The following GOLT1A variants were observed in gnomAD, a reference collection of about 807,000 sequenced individuals.
The protein encoded by GOLT1A is vesicle transport protein GOT1A.
In GOLT1A, 10 loss-of-function variants were observed where a neutral mutation model predicts 16.1. The observed-to-expected ratio is 0.62, with a 90% CI of 0.38 to 1.05. The LOEUF (loss-of-function observed/expected upper bound fraction) is 1.05, where lower values mean the gene tolerates loss of function less well. Among genes scored for constraint, GOLT1A ranks in the 50% least tolerant of loss-of-function variants. GOLT1A has a pLI of 0.01. For synonymous variants in GOLT1A, 60 were observed against 67.9 expected, an observed-to-expected ratio of 0.88 and a Z score of 0.57; for missense variants, 137 against 165.7, an observed-to-expected ratio of 0.83 and a Z score of 0.95.
chr1:204,203,946 C>T (rs1659002963), intron 1 of GOLT1A, among the ~76,000 whole-genome samples: 1 of 152,150 alleles, frequency 6.6e-6, no homozygotes. Flanking sequence ...AAGGCCCCCT[C>T]GTTTGGTCAA....
chr1:204,211,284 T>C (rs961604479), intron 1 of GOLT1A, among the ~76,000 whole-genome samples: 1 of 151,948 alleles, frequency 6.6e-6, no homozygotes, highest in Non-Finnish European at 1.5e-5. Context: ...AGCCTTCTCA[T>C]CCACACCACA....
chr1:204,208,491 TATATATATATAAAA>T (rs1291041447), intron 1 of GOLT1A, among the ~76,000 whole-genome samples: 1 of 87,978 alleles, frequency 1.1e-5, no homozygotes, highest in African/African-American at 3.7e-5. Flanking sequence ...TATATATATA[TATATATATATAAAA>T]AATGAACTAC....
intron 3 of GOLT1A, 151 bp downstream of exon 3, chr1:204,201,482 C>CTGAAGGGT (rs777160007): frequency 1.5e-4 from 111 of 719,158 alleles, no homozygotes; most frequent in Non-Finnish European, 4.2e-5. Flanking sequence ...CCAAAGTACC[C>CTGAAGGGT]TTCAGCCTAC....
At chr1:204,205,182 T>C (rs1166025691) in intron 1 of GOLT1A, among the ~76,000 whole-genome samples, 2 of 152,140 alleles carry the variant, frequency 1.3e-5, no homozygotes, top group Non-Finnish European at 2.9e-5. Flanking sequence ...GATTGATGTC[T>C]TTTTTTTCTT....
chr1:204,204,233 T>C (rs1222323970), intron 1 of GOLT1A, among the ~76,000 whole-genome samples: 8 of 152,186 alleles, frequency 5.3e-5, no homozygotes. Flanking sequence ...AGTTCAGTGG[T>C]ATTAAGCGCA....
chr1:204,213,427 C>G (rs943864559), intron 1 of GOLT1A, among the ~76,000 whole-genome samples: 5 of 152,214 alleles, frequency 3.3e-5, no homozygotes, highest in African/African-American at 9.7e-5. Flanking sequence ...TACCTCTTCC[C>G]CCAAAAGAAG....
chr1:204,202,823 A>C (rs1658982276), intron 2 of GOLT1A, 73 bp downstream of exon 2: 1 of 1,053,080 alleles, frequency 9.5e-7, no homozygotes, highest in African/African-American at 1.6e-5. Context: ...CTTTATTGCC[A>C]GGACTATCCT....
chr1:204,213,332 A>G lies in GOLT1A; in HGVS notation c.25+550T>C, dbSNP rs372633112. Among the ~76,000 whole-genome samples the G allele has an allele frequency of 9.8e-5, 15 of 152,320 alleles. No homozygotes were observed. The East Asian group carries it at 2.1e-3, about 22-fold the overall frequency. On this transcript the variant is annotated intron_variant, in intron 1 of 4. Transcript: ENST00000308302. ...ATTCTCAGATGAAAAACCAAGGCTCAGAGGCTTTAAGTAACTCACCCAAAT... is the reference window on the plus strand; with the variant it reads ...ATTCTCAGATGAAAAACCAAGGCTCGGAGGCTTTAAGTAACTCACCCAAAT...
chr1:204,201,827 G>C lies in GOLT1A; in HGVS notation c.118-16C>G, dbSNP rs377753319. The C allele has an allele frequency of 6.2e-7, 1 of 1,612,258 alleles. No homozygotes were observed. The highest frequency in any genetic ancestry group is 1.3e-5 in the African/African-American group (1 of 74,886). On this transcript the variant is annotated splice_polypyrimidine_tract_variant and intron_variant, in intron 2 of 4. Coordinates refer to ENST00000308302, the MANE Select transcript of GOLT1A (RefSeq NM_198447.2). Reference sequence around the variant, plus strand: ...GGAACAGCAGCTGTAGGGGAGGGAGGGGAGCATGAAGCAAACCCACCAGCC... The same window carrying C: ...GGAACAGCAGCTGTAGGGGAGGGAGCGGAGCATGAAGCAAACCCACCAGCC...
At chr1:204,203,051 TC>T in intron 1 of GOLT1A, 64 bp from the exon 2 acceptor site, 1 of 1,289,620 alleles carries the variant, frequency 7.8e-7, no homozygotes, top group Non-Finnish European at 1.1e-6. Context: ...CCCTGAAACT[TC>T]CCCCATTGCC....
In GOLT1A at chr1:204,198,360, G is replaced by A. The variant is rs1234551632; in HGVS notation, c.*98C>T. Reference sequence around the variant, plus strand: ...GGACTTGGGGAGGTCCGGATATGTCGGGGAGTGAGTCAGTGCAGGGGACTG... The same window carrying A: ...GGACTTGGGGAGGTCCGGATATGTCAGGGAGTGAGTCAGTGCAGGGGACTG... On this transcript the variant is annotated 3_prime_UTR_variant, in exon 5 of 5. Coordinates refer to ENST00000308302, the MANE Select transcript of GOLT1A (RefSeq NM_198447.2). 2.9e-5 allele frequency: 32 copies of A among 1,112,186 alleles called. No homozygotes were observed. The highest frequency in any genetic ancestry group is 1.4e-4 in the Admixed American group (7 of 50,856). The allele number at this position is 1,112,186 out of a possible 1,614,324, so 68.9% of individuals were successfully genotyped here.
intron 1 of GOLT1A, among the ~76,000 whole-genome samples, chr1:204,207,210 G>A (rs532813518): frequency 1.3e-5 from 2 of 152,286 alleles, no homozygotes; most frequent in Admixed American, 6.5e-5. Flanking sequence ...GGAGTGACAG[G>A]TGTGCCTGCC....
rs141284578 is a variant in GOLT1A at position 204,200,299 on chromosome 1, G to GTATATATATATATATA, written c.297-1057_297-1042dup. Reference sequence around the variant, plus strand: ...GACTGTTTGAAAATGACATATATGTGTATATATATATATATATATATGTTT... The same window carrying GTATATATATATATATA: ...GACTGTTTGAAAATGACATATATGTGTATATATATATATATATATATATATATATATATATATGTTT... On this transcript the variant is annotated intron_variant, in intron 3 of 4. Transcript: ENST00000308302. Among the ~76,000 whole-genome samples, 115 of 82,630 alleles carry GTATATATATATATATA rather than the reference G, an allele frequency of 1.4e-3. 5 individuals carry two copies. Among genetic ancestry groups the GTATATATATATATATA allele is most frequent in the African/African-American group, 1.6e-3 (29 of 18,056 alleles). 54.2% of individuals were successfully genotyped at this position (82,630 alleles called of 152,430 possible). A position where few individuals can be genotyped will look rare whatever the true frequency, so the allele number is the denominator to read the frequency against.
Position 204,201,787 on chromosome 1 carries a change from G to A in GOLT1A, c.142C>T (p.Leu48Phe), listed in dbSNP as rs148280953. Residue 48 changes from leucine to phenylalanine, a missense_variant, in exon 3 of 5, where the codon CTC becomes TTC. Coordinates refer to ENST00000308302, the MANE Select transcript of GOLT1A (RefSeq NM_198447.2). ...AAGGTCTTCCTCAGGCCAATGATGAGGGACAGGCCCGTCAGGAACAGCAGC... is the reference window on the plus strand; with the variant it reads ...AAGGTCTTCCTCAGGCCAATGATGAAGGACAGGCCCGTCAGGAACAGCAGC... ...GNLLFLTGLS[L>F]IIGLRKTFWF... 2.2e-5 allele frequency: 35 copies of A among 1,614,140 alleles called. No homozygotes were observed. The African/African-American group carries it at 2.3e-4, about 10-fold the overall frequency.
chr1:204,213,525 G>A (rs1227724164), intron 1 of GOLT1A, among the ~76,000 whole-genome samples: 1 of 152,248 alleles, frequency 6.6e-6, no homozygotes, highest in African/African-American at 2.4e-5. Flanking sequence ...GGCCACAGGA[G>A]ACCTTGATGG....
chr1:204,200,028 G>T (rs1046864669), intron 3 of GOLT1A, among the ~76,000 whole-genome samples: 3 of 152,066 alleles, frequency 2.0e-5, no homozygotes, highest in African/African-American at 7.2e-5. Context: ...TTTGCCTCCT[G>T]TGTTACTGCA....
intron 1 of GOLT1A, among the ~76,000 whole-genome samples, chr1:204,206,217 A>G (rs987526795): frequency 6.6e-6 from 1 of 152,198 alleles, no homozygotes; most frequent in Non-Finnish European, 1.5e-5. Context: ...GACCCAGTGT[A>G]ACATAATTTC....
intron 1 of GOLT1A, among the ~76,000 whole-genome samples, chr1:204,207,506 C>T (rs994487510): frequency 6.6e-6 from 1 of 152,212 alleles, no homozygotes; most frequent in East Asian, 1.9e-4. Flanking sequence ...CCACCCGATA[C>T]GGACAAGCCA....
chr1:204,209,821 G>A (rs1187025744), intron 1 of GOLT1A, among the ~76,000 whole-genome samples: 5 of 152,170 alleles, frequency 3.3e-5, no homozygotes, highest in African/African-American at 7.2e-5. Flanking sequence ...TTGGGACGCC[G>A]AGGTGGGTGG....
Sources: allele counts gnomAD v4.1 joint callset (sites outside exome capture counted in the v4.1 genomes callset), GRCh38; gene constraint gnomAD v4.1.1; transcripts MANE v1.5; gene names NCBI Gene and HGNC (gene_info 2026-07-23, HGNC 2026-07-21).